Variants in NTM observed in about 807,000 individuals in gnomAD.
NTM encodes the protein IgLON family member 2.
NTM carries 13 observed loss-of-function variants against 42.1 expected under a neutral mutation model. The observed-to-expected ratio is 0.31, with a 90% CI of 0.20 to 0.49. The LOEUF (loss-of-function observed/expected upper bound fraction) is 0.49. NTM is among the 20% of genes least tolerant of loss of function. The pLI is 0.99. For missense variants in NTM, 373 were observed against 452.8 expected (o/e 0.82, Z 1.60); for synonymous variants, 187 against 179.2 (o/e 1.04, Z -0.35).
In NTM at chr11:131,553,507, A is replaced by C. The variant is rs547886506; in HGVS notation, c.82+182619A>C. Among the ~76,000 whole-genome samples the C allele has an allele frequency of 2.6e-5, 4 of 152,270 alleles. No individual in the cohort carries two copies. The South Asian group carries it at 6.2e-4, about 24-fold the overall frequency. ...ACAGCACCATCCCATTCTAGAAACC[A>C]GGGAGGCATTTTGTCTCTTCCTGCT... On this transcript the variant is annotated intron_variant, in intron 1 of 8. Transcript: ENST00000683400.
At chr11:132,118,942 G>C (rs2064298657) in intron 2 of NTM, among the ~76,000 whole-genome samples, 3 of 152,162 alleles carry the variant, frequency 2.0e-5, no homozygotes, top group Non-Finnish European at 2.9e-5. Flanking sequence ...AAGGGGCTGG[G>C]AGGGGGAGGA....
chr11:131,590,753 C>T (rs1056364288), intron 1 of NTM, among the ~76,000 whole-genome samples: 1 of 152,204 alleles, frequency 6.6e-6, no homozygotes, highest in Non-Finnish European at 1.5e-5. Context: ...GGTGAGGTAA[C>T]GGGCTTCCTA....
chr11:132,006,329 T>C (rs2070778512), intron 2 of NTM, among the ~76,000 whole-genome samples: 3 of 152,306 alleles, frequency 2.0e-5, no homozygotes, highest in South Asian at 2.1e-4. Flanking sequence ...GTGGTTTTTT[T>C]CCCTTCCTTC....
intron 1 of NTM, among the ~76,000 whole-genome samples, chr11:131,576,312 C>T (rs1211315406): frequency 6.6e-6 from 1 of 152,188 alleles, no homozygotes; most frequent in Non-Finnish European, 1.5e-5. Flanking sequence ...TTTGAGGGCT[C>T]TTCTTTCAAA....
Position 132,307,697 on chromosome 11 carries a change from T to A in NTM, c.535T>A (p.Phe179Ile). 1 of 1,614,216 alleles carries A rather than the reference T, an allele frequency of 6.2e-7. No individual in the cohort carries two copies. Reference sequence around the variant, plus strand: ...TACCGGTTTTCCCGCAGCGGTTGGCTTTGTGAGTGAAGACGAATACTTGGA... The same window carrying A: ...TACCGGTTTTCCCGCAGCGGTTGGCATTGTGAGTGAAGACGAATACTTGGA... Reference protein sequence around the residue: ...WRHISPKAVGFVSEDEYLEIQ... With the variant: ...WRHISPKAVGIVSEDEYLEIQ... Residue 179 changes from phenylalanine (F) to isoleucine (I), a missense_variant, in exon 5 of 9, where the codon TTT becomes ATT. This residue lies in a region of NTM where 312 missense variants were observed against 353.5 expected (regional missense o/e 0.88). Transcript: ENST00000683400.
At chr11:131,829,692 AT>A (rs1349533154) in intron 1 of NTM, among the ~76,000 whole-genome samples, 2 of 152,104 alleles carry the variant, frequency 1.3e-5, no homozygotes, top group Non-Finnish European at 2.9e-5. Flanking sequence ...TTTCTTTTGG[AT>A]TTATAACCAA....
chr11:131,967,827 T>G (rs150202530), intron 2 of NTM, among the ~76,000 whole-genome samples: 2 of 152,282 alleles, frequency 1.3e-5, no homozygotes, highest in East Asian at 3.9e-4. Context: ...AAATCTGGTT[T>G]CTATCTGAAC....
intron 2 of NTM, among the ~76,000 whole-genome samples, chr11:131,941,582 T>G (rs551663): frequency 0.34 from 51,716 of 152,130 alleles, 10,489 homozygotes; most frequent in East Asian, 0.7. Flanking sequence ...CTTTGATCTC[T>G]GTATCTCCAG....
chr11:132,208,260 T>A (rs1240434034), intron 3 of NTM, among the ~76,000 whole-genome samples: 4 of 152,198 alleles, frequency 2.6e-5, no homozygotes, highest in Non-Finnish European at 5.9e-5. Flanking sequence ...ATACTGACAA[T>A]GTACTAGAAG....
chr11:131,890,606 T>C (rs183514941), intron 1 of NTM, among the ~76,000 whole-genome samples: 7 of 152,344 alleles, frequency 4.6e-5, no homozygotes, highest in African/African-American at 1.7e-4. Context: ...GGGTTTTTTT[T>C]CTAATGTATG....
At chr11:131,998,485 T>C (rs940799084) in intron 2 of NTM, among the ~76,000 whole-genome samples, 2 of 152,220 alleles carry the variant, frequency 1.3e-5, no homozygotes, top group Admixed American at 6.5e-5. Flanking sequence ...GAAGCCATTC[T>C]TTGCAAAGGG....
intron 1 of NTM, among the ~76,000 whole-genome samples, chr11:131,485,344 A>G (rs78087096): frequency 0.011 from 1,681 of 152,272 alleles, 22 homozygotes; most frequent in African/African-American, 0.037. Context: ...AGTGAAGGCA[A>G]TGGAGATGCG....
At chr11:131,897,274 G>A (rs573356857) in intron 1 of NTM, among the ~76,000 whole-genome samples, 1 of 152,312 alleles carries the variant, frequency 6.6e-6, no homozygotes, top group African/African-American at 2.4e-5. Context: ...AGAGTAGAGA[G>A]AGAGGGGAAA....
intron 7 of NTM, among the ~76,000 whole-genome samples, chr11:132,322,445 A>G (rs1365229068): frequency 7.2e-6 from 1 of 139,588 alleles, no homozygotes; most frequent in Admixed American, 7.3e-5. Flanking sequence ...CCATTACATA[A>G]TGGTAAAGGG....
chr11:131,655,014 G>C (rs149992272), intron 1 of NTM, among the ~76,000 whole-genome samples: 5 of 152,196 alleles, frequency 3.3e-5, no homozygotes, highest in Non-Finnish European at 7.4e-5. Flanking sequence ...CCTGGGGCTC[G>C]CACCTGTGTT....
At chr11:132,169,312 T>G (rs1461026309) in intron 3 of NTM, among the ~76,000 whole-genome samples, 2 of 136,780 alleles carry the variant, frequency 1.5e-5, no homozygotes, top group South Asian at 4.7e-4. Flanking sequence ...CTAGGTTTAA[T>G]TTTTTTACTT....
intron 1 of NTM, among the ~76,000 whole-genome samples, chr11:131,651,444 A>G (rs1342632220): frequency 6.6e-6 from 1 of 152,222 alleles, no homozygotes; most frequent in Non-Finnish European, 1.5e-5. Context: ...TCCCTGGCAG[A>G]TGCTGTGGAA....
At chr11:132,026,535 T>C (rs2075204984) in intron 2 of NTM, among the ~76,000 whole-genome samples, 1 of 152,232 alleles carries the variant, frequency 6.6e-6, no homozygotes, top group South Asian at 2.1e-4. Flanking sequence ...TTTTTCCTTC[T>C]ACTGGTTTTT....
At chr11:131,806,704 C>G (rs2092505464) in intron 1 of NTM, among the ~76,000 whole-genome samples, 1 of 152,100 alleles carries the variant, frequency 6.6e-6, no homozygotes, top group African/African-American at 2.4e-5. Context: ...TAATGCTCTT[C>G]ACACACATCT....
Sources: allele counts gnomAD v4.1 joint callset (sites outside exome capture counted in the v4.1 genomes callset), GRCh38; gene constraint gnomAD v4.1.1; regional missense constraint gnomAD v4.1.1; transcripts MANE v1.5; gene names NCBI Gene and HGNC (gene_info 2026-07-23, HGNC 2026-07-21).